SRRM2: variants seen among roughly 807,000 people sequenced by gnomAD.
The protein encoded by SRRM2 is serine/arginine repetitive matrix protein 2.
In SRRM2, 30 loss-of-function variants were observed where a neutral mutation model predicts 213.8. That is an observed-to-expected ratio of 0.14 (90% CI 0.10 to 0.19). The LOEUF (loss-of-function observed/expected upper bound fraction) is 0.19, where lower values mean the gene tolerates loss of function less well. SRRM2 is among the 10% of genes least tolerant of loss of function. SRRM2 has a pLI of 1.00. For missense variants in SRRM2, 4,904 were observed against 3,647.0 expected, an observed-to-expected ratio of 1.34 and a Z score of -8.88; for synonymous variants, 2,025 against 1,377.7, an observed-to-expected ratio of 1.47 and a Z score of -10.40.
At chr16:2,760,034 G>T (rs1262861586) in intron 9 of SRRM2, 1 of 561,218 alleles carries the variant, frequency 1.8e-6, no homozygotes, top group East Asian at 3.0e-5. Context: ...AGCGGGTAGG[G>T]AGTGGGCTGG....
intron 10 of SRRM2, 21 bp downstream of exon 10, chr16:2,760,520 T>C (rs1479876295): frequency 6.2e-7 from 1 of 1,613,330 alleles, no homozygotes; most frequent in Non-Finnish European, 8.5e-7. Flanking sequence ...GAGTTGGTGA[T>C]GTTCATTGGA....
intron 1 of SRRM2, among the ~76,000 whole-genome samples, chr16:2,754,157 C>A (rs1408283965): frequency 3.3e-5 from 5 of 152,026 alleles, no homozygotes; most frequent in African/African-American, 1.2e-4. Context: ...GATCTTCCTA[C>A]TTTCTGTGTC....
rs771221139 is a variant in SRRM2, at chr16:2,765,308, C to T, written c.4780C>T (p.Arg1594Trp). 9 of 1,614,102 alleles carry T rather than the reference C, an allele frequency of 5.6e-6. No individual in the cohort carries two copies. The highest frequency in any genetic ancestry group is 1.6e-4 in the Middle Eastern group (1 of 6,062). Residue 1594 changes from arginine (R) to tryptophan (W), a missense_variant, in exon 11 of 15, where the codon CGG (arginine) becomes TGG (tryptophan). Transcript: ENST00000301740. ...TGACAGCAAATCTCGACTATCCCCT[C>T]GGCGCAGTAGGTCTGGTTCCTCCCC... ...EVDSKSRLSP[R>W]RSRSGSSPEV...
chr16:2,764,515 A>C lies in SRRM2; in HGVS notation c.3987A>C (p.Ser1329=), dbSNP rs1228922696. The change falls in exon 11 of 15, where the codon TCA becomes TCC. Residue 1329 remains serine (S), a synonymous_variant. Transcript: ENST00000301740. ...NSPLRENSFG[S]PLEFRNSGPL... ...CACTCAGGGAGAACAGCTTTGGATC[A>C]CCTTTAGAATTTAGAAACTCAGGCC... 1.9e-6 allele frequency: 3 copies of C among 1,614,112 alleles called. No homozygotes were observed. The highest frequency in any genetic ancestry group is 1.7e-5 in the Admixed American group (1 of 60,002).
chr16:2,761,238 T>G (rs1166084839), intron 10 of SRRM2, among the ~76,000 whole-genome samples: 1 of 152,278 alleles, frequency 6.6e-6, no homozygotes, highest in Admixed American at 6.5e-5. Context: ...GCCATTCGCT[T>G]TAGGAAACTG....
Position 2,770,654 on chromosome 16 carries a change from C to A in SRRM2, c.8186C>A (p.Ser2729Tyr). The change falls in exon 14 of 15, where the codon TCC becomes TAC. Residue 2729 changes from serine (S) to tyrosine (Y), a missense_variant. Physicochemically the swap from Ser to Tyr is moderately radical, Grantham distance 144 (BLOSUM62 -2). Coordinates refer to ENST00000301740, the MANE Select transcript of SRRM2 (RefSeq NM_016333.4). ...SRRGQRGDSR[S>Y]PSHKRRRETP... is the part of the protein sequence containing the mutation. The stretch of plus-strand genomic sequence containing the variant: ...AGAGGCCAGCGTGGGGACAGCCGCT[C>A]CCCCAGCCACAAGCGCAGGAGGGAG... 1 of 1,553,826 alleles carries A rather than the reference C, an allele frequency of 6.4e-7. No homozygotes were observed. The highest frequency in any genetic ancestry group is 8.7e-7 in the Non-Finnish European group (1 of 1,148,218).
At position 2,768,024 on chromosome 16, in the gene SRRM2, C is replaced by T. The variant is rs766351781; in HGVS notation, c.7496C>T (p.Pro2499Leu). ...AATGGCATGCTCTCTGTCCCTGCCC[C>T]TGGGGTGCCCCACTCTGATGTGGGG... Reference protein sequence around the residue: ...DHNGMLSVPAPGVPHSDVGEP... With the variant: ...DHNGMLSVPALGVPHSDVGEP... The change falls in exon 11 of 15, where the codon CCT becomes CTT. Residue 2499 changes from proline (P) to leucine (L), a missense_variant. By Grantham distance (98) the Pro-to-Leu change is moderately conservative (BLOSUM62 -3). Coordinates refer to ENST00000301740, the MANE Select transcript of SRRM2 (RefSeq NM_016333.4). 2 of 1,614,192 alleles carry T rather than the reference C, an allele frequency of 1.2e-6. No homozygotes were observed. The highest frequency in any genetic ancestry group is 2.2e-5 in the East Asian group (1 of 44,888).
Position 2,761,979 on chromosome 16 carries a change from C to T in SRRM2, c.1451C>T (p.Ser484Phe), listed in dbSNP as rs765560226. ...SHTPSRRMGR[S>F]RSPATAKRGR... is the part of the protein sequence containing the mutation. Reference sequence around the variant, plus strand: ...ACCCCCTCCCGTAGGATGGGGAGGTCCCGTAGCCCTGCCACCGCTAAGAGA... The same window carrying T: ...ACCCCCTCCCGTAGGATGGGGAGGTTCCGTAGCCCTGCCACCGCTAAGAGA... Residue 484 changes from serine to phenylalanine, a missense_variant, in exon 11 of 15, where the codon TCC (serine) becomes TTC (phenylalanine). Transcript: ENST00000301740. The T allele has an allele frequency of 8.1e-6, 13 of 1,614,014 alleles. No homozygotes were observed. The highest frequency in any genetic ancestry group is 2.7e-5 in the African/African-American group (2 of 74,904).
chr16:2,753,776 G>A (rs567746671), intron 1 of SRRM2: 1 of 152,146 alleles, frequency 6.6e-6, no homozygotes, highest in Non-Finnish European at 1.5e-5. Context: ...TGGGCTTAGG[G>A]CTCTTCTAAA....
rs980291798 is a variant in SRRM2 at position 2,768,554 on chromosome 16, A to G, written c.7733+293A>G. ...TTAATTTTACAGCAGGAGGGATGGC[A>G]GTTAGACCTCAAGAGGAACTCCCTG... is the stretch of plus-strand genomic sequence containing the variant. On this transcript the variant is annotated intron_variant, in intron 11 of 14. Transcript: ENST00000301740. The G allele has an allele frequency of 1.2e-5, 8 of 650,508 alleles. No individual in the cohort carries two copies. The African/African-American group carries it at 1.2e-4, about 10-fold the overall frequency. The allele number at this position is 650,508 out of a possible 1,614,324, so 40.3% of individuals were successfully genotyped here.
intron 10 of SRRM2, among the ~76,000 whole-genome samples, chr16:2,761,185 T>A (rs896429521): frequency 7.9e-5 from 12 of 152,266 alleles, no homozygotes; most frequent in Admixed American, 1.3e-4. Flanking sequence ...TTATTCATGC[T>A]GTTTCTTTTC....
chr16:2,764,985 C>G lies in SRRM2; in HGVS notation c.4457C>G (p.Pro1486Arg), dbSNP rs757891202. 3.7e-6 allele frequency: 6 copies of G among 1,613,862 alleles called. No homozygotes were observed. In the African/African-American group the frequency reaches 4.0e-5, roughly 11 times the overall value. ...GRSECDSSPEPKALPQTPRPR... is the reference protein window; with the variant it reads ...GRSECDSSPERKALPQTPRPR... The stretch of plus-strand genomic sequence containing the variant: ...AGCGAATGTGATTCTTCCCCAGAAC[C>G]GAAAGCTTTGCCTCAGACTCCTAGG... Residue 1486 changes from proline (P) to arginine (R), a missense_variant, in exon 11 of 15, where the codon CCG becomes CGG. Pro to Arg is a moderately radical substitution (Grantham distance 103, BLOSUM62 -2). Transcript: ENST00000301740.
rs1401490115 is a variant in SRRM2, at chr16:2,766,165, A to C, written c.5637A>C (p.Arg1879Ser). 6.2e-7 allele frequency: 1 copy of C among 1,613,894 alleles called. No homozygotes were observed. The highest frequency in any genetic ancestry group is 8.5e-7 in the Non-Finnish European group (1 of 1,180,000). The change falls in exon 11 of 15, where the codon AGA becomes AGC. Residue 1879 changes from arginine to serine, a missense_variant. Arg to Ser is a moderately radical substitution (Grantham distance 110). Coordinates refer to ENST00000301740, the MANE Select transcript of SRRM2 (RefSeq NM_016333.4). The surrounding 1 kb of genome is among the most constrained non-coding windows in gnomAD (Gnocchi z 7.0). ...SPATHRRSRS[R>S]TPLISRRRSR... The stretch of plus-strand genomic sequence containing the variant: ...CCACTCACCGGCGATCCAGGTCCAG[A>C]ACCCCCCTGATAAGCCGACGTAGGT...
intron 9 of SRRM2, chr16:2,759,898 A>G: frequency 1.8e-6 from 1 of 546,266 alleles, no homozygotes; most frequent in Non-Finnish European, 3.2e-6. Flanking sequence ...ATGTATATGG[A>G]CTGCCAGAAT....
intron 12 of SRRM2, chr16:2,770,001 C>G: frequency 1.8e-6 from 1 of 547,336 alleles, no homozygotes; most frequent in Non-Finnish European, 3.1e-6. Context: ...AGAAGACTGC[C>G]CTGCCCCTTC....
chr16:2,756,682 C>G, intron 2 of SRRM2, 76 bp downstream of exon 2: 1 of 1,519,788 alleles, frequency 6.6e-7, no homozygotes, highest in Non-Finnish European at 8.8e-7. Context: ...GTATAGGGAG[C>G]TTAGGGTGGT....
At position 2,762,115 on chromosome 16, in the gene SRRM2, G is replaced by A. The variant is rs1243422672; in HGVS notation, c.1587G>A (p.Gln529=). Residue 529 remains glutamine (Q), a synonymous_variant, in exon 11 of 15, where the codon CAG becomes CAA. Coordinates refer to ENST00000301740, the MANE Select transcript of SRRM2 (RefSeq NM_016333.4). ...GGTGGGGAAGATCTAGAAGCCCCCA[G>A]CGACGTGGCCGCTCTAGGTCTCCTC... ...AQRWGRSRSP[Q]RRGRSRSPQR... is the part of the protein sequence containing the mutation. The A allele has an allele frequency of 1.2e-6, 2 of 1,614,162 alleles. No individual in the cohort carries two copies. Among genetic ancestry groups the A allele is most frequent in the African/African-American group, 2.7e-5 (2 of 75,032 alleles).
rs145649325 is a variant in SRRM2 at position 2,766,787 on chromosome 16, C to G, written c.6259C>G (p.Arg2087Gly). ...RRSASGSSSD[R>G]SRSATPPATR... is the part of the protein sequence containing the mutation. ...TTCTGCATCTGGAAGTAGTTCTGAT[C>G]GTTCACGATCTGCTACTCCTCCAGC... The change falls in exon 11 of 15, where the codon CGT becomes GGT. Residue 2087 changes from arginine to glycine, a missense_variant. Transcript: ENST00000301740. This position sits in a 1 kb window ranked among gnomAD's most constrained non-coding sequence, Gnocchi z 7.0. 2.5e-5 allele frequency: 40 copies of G among 1,614,052 alleles called. No homozygotes were observed. Among genetic ancestry groups the G allele is most frequent in the Admixed American group, 2.2e-4 (13 of 60,000 alleles).
chr16:2,756,256 GC>G (rs2068135999), intron 1 of SRRM2, 77 bp from the exon 2 acceptor site: 1 of 1,294,642 alleles, frequency 7.7e-7, no homozygotes, highest in Non-Finnish European at 1.0e-6. Flanking sequence ...ATGAAGGAGA[GC>G]AGGGACTTGG....
Sources: gnomAD v4.1 joint callset for allele counts (sites outside exome capture counted in the v4.1 genomes callset) on GRCh38, gnomAD v4.1.1 for gene constraint, Gnocchi (gnomAD v3.1) non-coding constraint, MANE v1.5 for transcripts, NCBI Gene and HGNC (gene_info 2026-07-23, HGNC 2026-07-21) for gene names.